FANCC: variants seen among roughly 807,000 people sequenced by gnomAD.
FANCC encodes Fanconi anemia group C protein.
FANCC carries 55 observed loss-of-function variants against 71.3 expected under a neutral mutation model. That is an observed-to-expected ratio of 0.77 (90% CI 0.62 to 0.97). The LOEUF (loss-of-function observed/expected upper bound fraction) is 0.97. Ranked by LOEUF, FANCC falls within the 50% of genes least tolerant of loss-of-function variation. FANCC has a pLI of 0.00. For missense variants in FANCC, 678 were observed against 670.9 expected, an observed-to-expected ratio of 1.01 and a Z score of -0.12; for synonymous variants, 275 against 244.9, an observed-to-expected ratio of 1.12 and a Z score of -1.15.
At chr9:95,128,430 A>G (rs1826343680) in intron 8 of FANCC, among the ~76,000 whole-genome samples, 1 of 152,262 alleles carries the variant, frequency 6.6e-6, no homozygotes, top group Admixed American at 6.5e-5. Context: ...TGAAAATGGT[A>G]AAATTAAATT....
At chr9:95,300,632 T>G (rs1174022562) in intron 1 of FANCC, among the ~76,000 whole-genome samples, 12 of 152,076 alleles carry the variant, frequency 7.9e-5, no homozygotes, top group Admixed American at 7.9e-4. Flanking sequence ...TTTTTGTATT[T>G]TTAGTAGAGA....
intron 7 of FANCC, among the ~76,000 whole-genome samples, chr9:95,140,349 C>T (rs1450853090): frequency 6.6e-6 from 1 of 152,068 alleles, no homozygotes; most frequent in Non-Finnish European, 1.5e-5. Context: ...TACTTTGTTT[C>T]CCCCAAATAC....
chr9:95,119,649 C>T (rs1338220412), intron 10 of FANCC, among the ~76,000 whole-genome samples: 1 of 152,106 alleles, frequency 6.6e-6, no homozygotes, highest in Non-Finnish European at 1.5e-5. Context: ...CAGGCATGAG[C>T]CACCGTGCCT....
At chr9:95,212,194 C>G (rs777704782) in intron 4 of FANCC, among the ~76,000 whole-genome samples, 6 of 152,042 alleles carry the variant, frequency 3.9e-5, no homozygotes, top group Non-Finnish European at 7.4e-5. Context: ...AGAATAAGCA[C>G]TTAAAGGAAT....
In FANCC at chr9:95,193,936, G is replaced by T. The variant is rs539877236; in HGVS notation, c.346-21789C>A. On this transcript the variant is annotated intron_variant, in intron 4 of 14. Coordinates refer to ENST00000289081, the MANE Select transcript of FANCC (RefSeq NM_000136.3). ...GAGGCCCAGGAACCAGGAGGACAGT[G>T]TGTTCCATTTAAGCCATGACACCAC... is the stretch of plus-strand genomic sequence containing the variant. Among the ~76,000 whole-genome samples the T allele has an allele frequency of 7.2e-5, 11 of 152,312 alleles. 1 individual carries two copies. In the South Asian group the frequency reaches 2.3e-3, roughly 32 times the overall value.
Position 95,181,159 on chromosome 9 carries a change from TTGTGTGTGTGTGTGTGTGTGTG to T in FANCC, c.346-9034_346-9013del, listed in dbSNP as rs10692344. ...ACATACACACACACACACGTACACA[TTGTGTGTGTGTGTGTGTGTGTG>T]TGTGTGTGTATGAAACAAAATTACA... On this transcript the variant is annotated intron_variant, in intron 4 of 14. Coordinates refer to ENST00000289081, the MANE Select transcript of FANCC (RefSeq NM_000136.3). 1.5e-3 allele frequency among the ~76,000 whole-genome samples: 222 copies of T among 148,444 alleles called. 1 individual carries two copies. Among genetic ancestry groups the T allele is most frequent in the African/African-American group, 5.2e-3 (209 of 40,380 alleles).
rs1024371711 is a variant in FANCC, at chr9:95,107,094, T to C, written c.1505A>G (p.His502Arg). 1 of 1,614,200 alleles carries C rather than the reference T, an allele frequency of 6.2e-7. No homozygotes were observed. Among genetic ancestry groups the C allele is most frequent in the Non-Finnish European group, 8.5e-7 (1 of 1,180,042 alleles). The change falls in exon 14 of 15, where the codon CAC (histidine) becomes CGC (arginine). Residue 502 changes from histidine to arginine, a missense_variant. By Grantham distance (29) the His-to-Arg change is conservative. Transcript: ENST00000289081. ...LNFLLWAPGG[H>R]TIAWDVITLM... ...GGTGATGACATCCCAGGCGATCGTG[T>C]GGCCTCCAGGAGCCCAGAGCAGGAA... is the stretch of plus-strand genomic sequence containing the variant.
chr9:95,190,145 T>A lies in FANCC; in HGVS notation c.346-17998A>T, dbSNP rs115364394. ...TCTCACCACCAACCAATTTAACCAATTTACAAGCTCACCTGCACACGCACA... is the reference window on the plus strand; with the variant it reads ...TCTCACCACCAACCAATTTAACCAAATTACAAGCTCACCTGCACACGCACA... On this transcript the variant is annotated intron_variant, in intron 4 of 14. Coordinates refer to ENST00000289081, the MANE Select transcript of FANCC (RefSeq NM_000136.3). 3.6e-3 allele frequency among the ~76,000 whole-genome samples: 548 copies of A among 152,166 alleles called. 4 individuals are homozygous for A. The highest frequency in any genetic ancestry group is 0.012 in the African/African-American group (490 of 41,498).
chr9:95,278,216 A>G (rs1833161518), intron 1 of FANCC, among the ~76,000 whole-genome samples: 1 of 152,206 alleles, frequency 6.6e-6, no homozygotes. Context: ...TAATATGTAT[A>G]ACAATAATGT....
At chr9:95,311,991 G>A (rs559846342) in intron 1 of FANCC, among the ~76,000 whole-genome samples, 27 of 152,174 alleles carry the variant, frequency 1.8e-4, no homozygotes, top group Non-Finnish European at 3.2e-4. Context: ...TGGGAACCCT[G>A]CCCACTGGAT....
intron 4 of FANCC, among the ~76,000 whole-genome samples, chr9:95,203,230 T>G (rs1378029865): frequency 6.6e-6 from 1 of 151,764 alleles, no homozygotes; most frequent in African/African-American, 2.4e-5. Flanking sequence ...GACCCCATCT[T>G]TACAAAAAAA....
chr9:95,126,819 C>A, intron 8 of FANCC: 1 of 499,108 alleles, frequency 2.0e-6, no homozygotes, highest in Non-Finnish European at 3.6e-6. Flanking sequence ...CTGTATGTCC[C>A]ACATTTTCTA....
At chr9:95,210,011 A>G (rs1266087479) in intron 4 of FANCC, among the ~76,000 whole-genome samples, 1 of 152,230 alleles carries the variant, frequency 6.6e-6, no homozygotes, top group East Asian at 1.9e-4. Context: ...CTACCCTGGT[A>G]CAAATGAATG....
Position 95,317,630 on chromosome 9 carries a change from T to C in FANCC, c.-183A>G, listed in dbSNP as rs1307839727. The C allele has an allele frequency of 2.0e-5, 3 of 152,264 alleles. No homozygotes were observed. The highest frequency in any genetic ancestry group is 2.9e-5 in the Non-Finnish European group (2 of 68,090). The allele number at this position is 152,264 out of a possible 1,614,324, so 9.4% of individuals were successfully genotyped here. A position where few individuals can be genotyped will look rare whatever the true frequency, so the allele number is the denominator to read the frequency against. On this transcript the variant is annotated 5_prime_UTR_variant, in exon 1 of 15. Transcript: ENST00000289081. ...AAATTTGGCTTTGCCTCGTATTGGC[T>C]TTTTGAGTTTTTTTGGAATTTTCCC...
intron 7 of FANCC, among the ~76,000 whole-genome samples, chr9:95,135,860 C>T (rs1388823131): frequency 1.1e-4 from 16 of 152,324 alleles, no homozygotes; most frequent in Non-Finnish European, 2.4e-4. Context: ...TGTTCAAACA[C>T]GCGTAATCAT....
intron 4 of FANCC, among the ~76,000 whole-genome samples, chr9:95,191,547 C>T (rs942501348): frequency 3.9e-5 from 6 of 151,982 alleles, no homozygotes; most frequent in Admixed American, 1.3e-4. Flanking sequence ...TCCAGCCCTG[C>T]CATCTCTCCT....
chr9:95,102,138 T>C (rs1588009729), intron 14 of FANCC, among the ~76,000 whole-genome samples: 2 of 152,202 alleles, frequency 1.3e-5, no homozygotes, highest in East Asian at 3.9e-4. Flanking sequence ...CAAGCGCTGC[T>C]TGCAATCAGA....
At chr9:95,241,663 C>T (rs1176673682) in intron 3 of FANCC, among the ~76,000 whole-genome samples, 1 of 152,034 alleles carries the variant, frequency 6.6e-6, no homozygotes, top group African/African-American at 2.4e-5. Flanking sequence ...TAAACCCAAT[C>T]TTTCTCTTTT....
At chr9:95,244,086 C>T (rs356659) in intron 3 of FANCC, among the ~76,000 whole-genome samples, 107,109 of 152,180 alleles carry the variant, frequency 0.7, 38,659 homozygotes, top group East Asian at 0.93. Flanking sequence ...GGAAAGATCA[C>T]AGACAGATAC....
Sources: allele counts gnomAD v4.1 joint callset (sites outside exome capture counted in the v4.1 genomes callset), GRCh38; gene constraint gnomAD v4.1.1; transcripts MANE v1.5; gene names NCBI Gene and HGNC (gene_info 2026-07-23, HGNC 2026-07-21).